DMD: variants seen among roughly 807,000 people sequenced by gnomAD.
DMD encodes the protein dystrophin.
DMD carries 63 observed loss-of-function variants against 330.1 expected under a neutral mutation model. That is an observed-to-expected ratio of 0.19 (90% CI 0.16 to 0.24). The LOEUF is 0.24. Ranked by LOEUF, DMD falls within the 10% of genes least tolerant of loss-of-function variation. The pLI, the probability that DMD is intolerant of heterozygous loss-of-function variation, is 1.00. For missense variants in DMD, 3,344 were observed against 2,684.1 expected (o/e 1.25, Z -5.43); for synonymous variants, 1,223 against 959.8 (o/e 1.27, Z -5.07).
At chrX:32,545,400 T>TCTTTACTGAAA (rs2048873356) in intron 16 of DMD, 66 bp from the exon 17 acceptor site, 5 of 1,058,109 alleles carry the variant, frequency 4.7e-6, no homozygotes, top group Non-Finnish European at 6.6e-6. Context: ...CTGCTTGGAG[T>TCTTTACTGAAA]GGCAAAGGAA....
At chrX:31,774,834 G>A (rs926663861) in intron 50 of DMD, among the ~76,000 whole-genome samples, 2 of 111,887 alleles carry the variant, frequency 1.8e-5, no homozygotes, top group African/African-American at 6.5e-5. Context: ...TTAAAAATGC[G>A]AGTTAGTAGT....
In DMD at chrX:32,133,019, TTTTTTTA is replaced by T. The variant is rs1372564511; in HGVS notation, c.6438+83890_6438+83896del. Among the ~76,000 whole-genome samples the T allele has an allele frequency of 8.9e-4, 82 of 91,717 alleles. 1 individual carries two copies. The highest frequency in any genetic ancestry group is 3.3e-3 in the African/African-American group (72 of 21,962). 79.6% of individuals were successfully genotyped at this position (91,717 alleles called of 115,157 possible). On this transcript the variant is annotated intron_variant, in intron 44 of 78. Coordinates refer to ENST00000357033, the MANE Select transcript of DMD (RefSeq NM_004006.3). Reference sequence around the variant, plus strand: ...TTTTTTTTTTTTTTTTTTTTTTTTTTTTTTTTAGATGAAGTCTCGCTCCATCGCCCAG... The same window carrying T: ...TTTTTTTTTTTTTTTTTTTTTTTTTTGATGAAGTCTCGCTCCATCGCCCAG...
intron 1 of DMD, among the ~76,000 whole-genome samples, chrX:33,119,690 G>C (rs1475532857): frequency 8.9e-6 from 1 of 111,914 alleles, no homozygotes; most frequent in Non-Finnish European, 1.9e-5. Context: ...ATTTTAATCA[G>C]AGATTGACAC....
chrX:33,230,620 A>T (rs140318562), intron 1 of DMD, among the ~76,000 whole-genome samples: 9 of 110,886 alleles, frequency 8.1e-5, no homozygotes, highest in Non-Finnish European at 1.1e-4. Context: ...CATATATCTG[A>T]CCTTTATTGA....
intron 16 of DMD, among the ~76,000 whole-genome samples, chrX:32,561,684 A>T (rs2051028357): frequency 9.0e-6 from 1 of 111,419 alleles, no homozygotes; most frequent in Non-Finnish European, 1.9e-5. Context: ...CCAGCCCAAC[A>T]TTCAAATTCA....
chrX:32,192,373 G>GA (rs768298380), intron 44 of DMD, among the ~76,000 whole-genome samples: 1 of 111,693 alleles, frequency 9.0e-6, no homozygotes, highest in South Asian at 3.7e-4. Context: ...AATATGAAAT[G>GA]AAAAAGAATG....
intron 43 of DMD, among the ~76,000 whole-genome samples, chrX:32,250,962 G>A (rs754830034): frequency 3.1e-4 from 34 of 109,998 alleles, no homozygotes; most frequent in Non-Finnish European, 5.3e-4. Flanking sequence ...AACACTGCAT[G>A]GACTCACTCG....
chrX:32,658,838 G>A (rs1184407770), intron 9 of DMD, among the ~76,000 whole-genome samples: 1 of 111,785 alleles, frequency 8.9e-6, no homozygotes, highest in Non-Finnish European at 1.9e-5. Flanking sequence ...TCACTTTGGA[G>A]TAAAATAAAC....
rs1380963291 is a variant in DMD at position 31,374,173 on chromosome X, C to A, written c.9085-25539G>T. ...CGGTCATTAAAAAGTCAGGAAACAA[C>A]AGGTGCTGGAGAGGATGTGGAGAAA... On this transcript the variant is annotated intron_variant, in intron 60 of 78. Coordinates refer to ENST00000357033, the MANE Select transcript of DMD (RefSeq NM_004006.3). 3.0e-4 allele frequency among the ~76,000 whole-genome samples: 24 copies of A among 79,200 alleles called. 1 individual carries two copies. Among genetic ancestry groups the A allele is most frequent in the African/African-American group, 1.3e-3 (24 of 17,907 alleles). 68.8% of individuals were successfully genotyped at this position (79,200 alleles called of 115,157 possible).
At chrX:31,789,570 G>C (rs1449048248) in intron 50 of DMD, among the ~76,000 whole-genome samples, 6 of 111,250 alleles carry the variant, frequency 5.4e-5, no homozygotes, top group Non-Finnish European at 1.1e-4. Flanking sequence ...CCAAGGTAAA[G>C]TTAATTACAA....
intron 11 of DMD, among the ~76,000 whole-genome samples, chrX:32,617,721 C>G (rs979127298): frequency 1.8e-5 from 2 of 110,378 alleles, no homozygotes; most frequent in African/African-American, 6.6e-5. Flanking sequence ...GGACTTATAC[C>G]AAACTAAAAA....
chrX:32,497,751 G>A (rs1212395117), intron 19 of DMD, among the ~76,000 whole-genome samples: 1 of 111,343 alleles, frequency 9.0e-6, no homozygotes, highest in East Asian at 2.8e-4. Flanking sequence ...ACAGACATAT[G>A]TTTAGGTATA....
chrX:33,197,083 G>A (rs147304608), intron 1 of DMD, among the ~76,000 whole-genome samples: 226 of 111,247 alleles, frequency 2.0e-3, no homozygotes, highest in African/African-American at 7.0e-3. Context: ...AATAGAAATG[G>A]ATTGCATTCT....
At chrX:32,966,947 T>C (rs1316313106) in intron 2 of DMD, among the ~76,000 whole-genome samples, 4 of 112,003 alleles carry the variant, frequency 3.6e-5, no homozygotes, top group Non-Finnish European at 7.5e-5. Context: ...AGCAAAATCC[T>C]GGTATAAAGC....
At chrX:31,678,184 T>C (rs1214459244) in intron 53 of DMD, among the ~76,000 whole-genome samples, 2 of 112,214 alleles carry the variant, frequency 1.8e-5, no homozygotes, top group Non-Finnish European at 3.8e-5. Flanking sequence ...TAGCTTAGCA[T>C]AGCCTAACCT....
At chrX:33,024,984 C>T (rs138015825) in intron 1 of DMD, among the ~76,000 whole-genome samples, 25 of 107,893 alleles carry the variant, frequency 2.3e-4, no homozygotes, top group African/African-American at 7.8e-4. Context: ...GGACATTGCA[C>T]TAGTTACTGA....
intron 44 of DMD, among the ~76,000 whole-genome samples, chrX:32,090,356 T>C (rs2096466523): frequency 8.9e-6 from 1 of 112,061 alleles, no homozygotes; most frequent in African/African-American, 3.2e-5. Context: ...TTTAAATCCC[T>C]GTCACTAACA....
In DMD at chrX:31,310,239, GTGTA is replaced by G. The variant is rs754830330; in HGVS notation, c.9224+13355_9224+13358del. 1.1e-3 allele frequency among the ~76,000 whole-genome samples: 116 copies of G among 108,448 alleles called. 1 individual carries two copies. Among genetic ancestry groups the G allele is most frequent in the African/African-American group, 3.4e-3 (102 of 29,801 alleles). The allele number at this position is 108,448 out of a possible 115,157, so 94.2% of individuals were successfully genotyped here. On this transcript the variant is annotated intron_variant, in intron 62 of 78. Transcript: ENST00000357033. ...TATATATATATATGTGTGTGTGTCTGTGTATGTATGTATGTGTACATATAGATAT... is the reference window on the plus strand; with the variant it reads ...TATATATATATATGTGTGTGTGTCTGTGTATGTATGTGTACATATAGATAT...
At position 32,639,748 on chromosome X, in the gene DMD, T is replaced by A. The variant is rs189704655; in HGVS notation, c.1331+4384A>T. On this transcript the variant is annotated intron_variant, in intron 11 of 78. Coordinates refer to ENST00000357033, the MANE Select transcript of DMD (RefSeq NM_004006.3). ...CTTTCCTGACATTCCTTTGTAAGCA[T>A]ATTTTTAAATGTTGCCATTGTGAAA... 4.3e-3 allele frequency among the ~76,000 whole-genome samples: 483 copies of A among 112,207 alleles called. 6 individuals are homozygous for A. The highest frequency in any genetic ancestry group is 0.015 in the African/African-American group (459 of 30,935).
Sources: gnomAD v4.1 joint callset for allele counts (sites outside exome capture counted in the v4.1 genomes callset) on GRCh38, gnomAD v4.1.1 for gene constraint, MANE v1.5 for transcripts, NCBI Gene and HGNC (gene_info 2026-07-23, HGNC 2026-07-21) for gene names.